The following RNF214 variants were observed in gnomAD, a reference collection of about 807,000 sequenced individuals.
RNF214 encodes ring finger protein 214.
In RNF214, 25 loss-of-function variants were observed where a neutral mutation model predicts 75.9. The ratio of observed to expected loss-of-function variants is 0.33; its 90% confidence interval spans 0.24 to 0.46. RNF214 has a LOEUF of 0.46. RNF214 is among the 20% of genes least tolerant of loss of function. The probability of loss-of-function intolerance (pLI) is 1.00; values close to 1 mark genes in which losing one functional copy is unlikely to be tolerated. For missense variants in RNF214, 725 were observed against 857.5 expected, an observed-to-expected ratio of 0.85 and a Z score of 1.93; for synonymous variants, 314 against 308.8, an observed-to-expected ratio of 1.02 and a Z score of -0.18.
chr11:117,276,421 G>T (rs1412675929), intron 6 of RNF214, among the ~76,000 whole-genome samples: 1 of 152,082 alleles, frequency 6.6e-6, no homozygotes, highest in Non-Finnish European at 1.5e-5. Flanking sequence ...ACCAGCTTGG[G>T]CAATATAGTG....
At chr11:117,271,610 A>G (rs1176177880) in intron 6 of RNF214, among the ~76,000 whole-genome samples, 1 of 152,216 alleles carries the variant, frequency 6.6e-6, no homozygotes, top group Non-Finnish European at 1.5e-5. Flanking sequence ...TATCTTCTGG[A>G]CAGGTTAAAT....
chr11:117,235,342 G>A (rs1387458658), intron 2 of RNF214, among the ~76,000 whole-genome samples: 2 of 150,978 alleles, frequency 1.3e-5, no homozygotes, highest in African/African-American at 2.4e-5. Context: ...GACTACAGGC[G>A]CCCGCCACTA....
intron 6 of RNF214, among the ~76,000 whole-genome samples, chr11:117,266,729 GACTCC>G (rs2033803898): frequency 6.6e-6 from 1 of 151,824 alleles, no homozygotes. Context: ...TTCCTCCTGG[GACTCC>G]ACTGTCAGGT....
intron 6 of RNF214, among the ~76,000 whole-genome samples, chr11:117,254,738 C>G (rs554962987): frequency 6.6e-6 from 1 of 152,138 alleles, no homozygotes; most frequent in South Asian, 2.1e-4. Flanking sequence ...ATTCTCCTGC[C>G]TCAGCCTCCT....
chr11:117,240,031 A>G (rs1372725051), intron 4 of RNF214, among the ~76,000 whole-genome samples, 171 bp downstream of exon 4: 1 of 151,350 alleles, frequency 6.6e-6, no homozygotes, highest in African/African-American at 2.4e-5. Flanking sequence ...CTACCTCACA[A>G]AGCAACCAGT....
At chr11:117,266,950 G>A (rs1387975400) in intron 6 of RNF214, among the ~76,000 whole-genome samples, 3 of 128,382 alleles carry the variant, frequency 2.3e-5, no homozygotes, top group African/African-American at 6.0e-5. Context: ...TGCCTCCTGG[G>A]TTCAAGCAAT....
At chr11:117,260,077 ATT>A (rs557529984) in intron 6 of RNF214, among the ~76,000 whole-genome samples, 5 of 143,100 alleles carry the variant, frequency 3.5e-5, no homozygotes, top group African/African-American at 1.3e-4. Context: ...AAATTCTTTG[ATT>A]TTTTTTTTTT....
rs184706402 is a variant in RNF214 at position 117,264,106 on chromosome 11, C to T, written c.960-15802C>T. On this transcript the variant is annotated intron_variant, in intron 6 of 14. Coordinates refer to ENST00000300650, the MANE Select transcript of RNF214 (RefSeq NM_207343.4). ...GGGAGGCCGAGGCGGGCGGATCACGCGGTCAGGAGATCGAGACCATCCTGG... is the reference window on the plus strand; with the variant it reads ...GGGAGGCCGAGGCGGGCGGATCACGTGGTCAGGAGATCGAGACCATCCTGG... 9.8e-3 allele frequency among the ~76,000 whole-genome samples: 1,497 copies of T among 152,022 alleles called. 21 individuals are homozygous for T. Among genetic ancestry groups the T allele is most frequent in the African/African-American group, 0.032 (1,336 of 41,496 alleles).
In RNF214 at chr11:117,281,718, G is replaced by A. The variant is rs774403311; in HGVS notation, c.1335+20G>A. On this transcript the variant is annotated intron_variant, in intron 10 of 14. Transcript: ENST00000300650. ...TCAGAGGTAAGAGAGTGGCTTTGGGGGGAAGTTCACCTTTCTGTGTTGGTA... is the reference window on the plus strand; with the variant it reads ...TCAGAGGTAAGAGAGTGGCTTTGGGAGGAAGTTCACCTTTCTGTGTTGGTA... 43 of 1,589,294 alleles carry A rather than the reference G, an allele frequency of 2.7e-5. No individual in the cohort carries two copies. The highest frequency in any genetic ancestry group is 4.5e-5 in the East Asian group (2 of 44,766).
intron 6 of RNF214, among the ~76,000 whole-genome samples, chr11:117,251,202 C>T (rs2033372302): frequency 1.5e-5 from 2 of 133,474 alleles, no homozygotes; most frequent in East Asian, 2.4e-4. Flanking sequence ...CGGGCAGAGG[C>T]GCCCCGCACC....
At chr11:117,283,039 C>T in intron 13 of RNF214, 76 bp from the exon 14 acceptor site, 1 of 1,101,558 alleles carries the variant, frequency 9.1e-7, no homozygotes, top group Non-Finnish European at 1.4e-6. Context: ...CTTTTTGCTG[C>T]ATGGAATTAT....
At chr11:117,245,797 A>G (rs2033208370) in intron 5 of RNF214, among the ~76,000 whole-genome samples, 1 of 152,214 alleles carries the variant, frequency 6.6e-6, no homozygotes, top group Non-Finnish European at 1.5e-5. Flanking sequence ...GACCCCATTT[A>G]AAAATAACAA....
intron 6 of RNF214, among the ~76,000 whole-genome samples, chr11:117,274,152 A>T (rs2033964383): frequency 6.6e-6 from 1 of 152,024 alleles, no homozygotes; most frequent in African/African-American, 2.4e-5. Flanking sequence ...TGAATTTCAT[A>T]CAGTTTATAG....
intron 6 of RNF214, among the ~76,000 whole-genome samples, chr11:117,263,268 T>C (rs1160747566): frequency 6.8e-6 from 1 of 146,672 alleles, no homozygotes; most frequent in African/African-American, 2.5e-5. Context: ...TGAGACAGAT[T>C]AACAGGAGAA....
chr11:117,245,647 T>C (rs1236848410), intron 5 of RNF214, among the ~76,000 whole-genome samples: 1 of 152,136 alleles, frequency 6.6e-6, no homozygotes, highest in Admixed American at 6.5e-5. Flanking sequence ...AGACCACTCA[T>C]AGACTTTTAA....
intron 6 of RNF214, among the ~76,000 whole-genome samples, chr11:117,258,172 AAT>A (rs2033568758): frequency 6.6e-6 from 1 of 151,684 alleles, no homozygotes; most frequent in South Asian, 2.1e-4. Context: ...AGGTTCAAGC[AAT>A]TCTCCTGCCT....
intron 2 of RNF214, among the ~76,000 whole-genome samples, chr11:117,237,972 T>A (rs1434784352): frequency 1.3e-5 from 2 of 152,228 alleles, no homozygotes; most frequent in African/African-American, 4.8e-5. Context: ...GATTATAATA[T>A]TATGTATAAC....
intron 6 of RNF214, among the ~76,000 whole-genome samples, chr11:117,248,136 C>T (rs998811313): frequency 6.6e-6 from 1 of 152,038 alleles, no homozygotes; most frequent in African/African-American, 2.4e-5. Context: ...AGTGCAGTGG[C>T]ACGATCTCAG....
At chr11:117,274,675 CTTTTT>C (rs397937528) in intron 6 of RNF214, among the ~76,000 whole-genome samples, 1 of 128,810 alleles carries the variant, frequency 7.8e-6, no homozygotes, top group Admixed American at 8.0e-5. Flanking sequence ...AGCCATGGCT[CTTTTT>C]TTTTTTTTTT....
Sources: gnomAD v4.1 joint callset for allele counts (sites outside exome capture counted in the v4.1 genomes callset) on GRCh38, gnomAD v4.1.1 for gene constraint, MANE v1.5 for transcripts, NCBI Gene and HGNC (gene_info 2026-07-23, HGNC 2026-07-21) for gene names.